Variants in ADGRG6 observed in about 807,000 individuals in gnomAD.
The protein encoded by ADGRG6 is adhesion G protein-coupled receptor G6, also known as G-protein coupled receptor 126.
In ADGRG6, 84 loss-of-function variants were observed where a neutral mutation model predicts 142.4. The ratio of observed to expected loss-of-function variants is 0.59; its 90% CI spans 0.49 to 0.71. The LOEUF (loss-of-function observed/expected upper bound fraction) is 0.71. Ranked by LOEUF, ADGRG6 falls within the 30% of genes least tolerant of loss-of-function variation. ADGRG6 has a pLI of 0.00. For synonymous variants in ADGRG6, 521 were observed against 520.5 expected, an observed-to-expected ratio of 1.00 and a Z score of -0.01; for missense variants, 1,367 against 1,466.6, an observed-to-expected ratio of 0.93 and a Z score of 1.11.
At chr6:142,303,795 AAT>A (rs1212710139) in intron 1 of ADGRG6, among the ~76,000 whole-genome samples, 2 of 152,202 alleles carry the variant, frequency 1.3e-5, no homozygotes, top group Non-Finnish European at 2.9e-5. Context: ...TGAAAGTATA[AAT>A]ACCTGTTTTT....
intron 1 of ADGRG6, among the ~76,000 whole-genome samples, chr6:142,303,461 A>G (rs1049134184): frequency 2.0e-5 from 3 of 152,238 alleles, no homozygotes; most frequent in African/African-American, 4.8e-5. Context: ...TGTTCCAGGT[A>G]CTGTGAGATG....
chr6:142,317,964 T>C (rs1223545578), intron 2 of ADGRG6, among the ~76,000 whole-genome samples: 4 of 67,406 alleles, frequency 5.9e-5, no homozygotes, highest in Non-Finnish European at 1.0e-4. Context: ...TATATATTTA[T>C]ATATTATATA....
At chr6:142,357,020 T>G (rs1780478766) in intron 2 of ADGRG6, among the ~76,000 whole-genome samples, 2 of 152,324 alleles carry the variant, frequency 1.3e-5, no homozygotes, top group Non-Finnish European at 2.9e-5. Context: ...AAAGAAAAGA[T>G]CTTGTGTAAG....
intron 2 of ADGRG6, among the ~76,000 whole-genome samples, chr6:142,327,594 C>T (rs916676108): frequency 2.0e-5 from 3 of 152,074 alleles, no homozygotes; most frequent in Non-Finnish European, 4.4e-5. Flanking sequence ...TGGCTTCTTA[C>T]CTGTCATCAT....
At chr6:142,342,353 GTGA>G (rs1779697427) in intron 2 of ADGRG6, among the ~76,000 whole-genome samples, 1 of 152,076 alleles carries the variant, frequency 6.6e-6, no homozygotes, top group Non-Finnish European at 1.5e-5. Flanking sequence ...CTGTGCTGCA[GTGA>G]TGATGATTAT....
chr6:142,314,876 C>T (rs1777952768), intron 2 of ADGRG6, among the ~76,000 whole-genome samples: 1 of 151,910 alleles, frequency 6.6e-6, no homozygotes, highest in East Asian at 1.9e-4. Flanking sequence ...TTCAAATTCC[C>T]CTATCACTAG....
At chr6:142,370,917 T>TGTGTGA in intron 4 of ADGRG6, 124 bp downstream of exon 4, 1 of 931,096 alleles carries the variant, frequency 1.1e-6, no homozygotes. Context: ...TATAGACATA[T>TGTGTGA]ATATATATGT....
At chr6:142,418,679 A>G (rs1048079346) in intron 21 of ADGRG6, among the ~76,000 whole-genome samples, 2 of 152,196 alleles carry the variant, frequency 1.3e-5, no homozygotes, top group African/African-American at 4.8e-5. Context: ...AATTTACTGT[A>G]TGCCAGAATC....
At chr6:142,384,802 A>G (rs911386513) in intron 6 of ADGRG6, among the ~76,000 whole-genome samples, 3 of 152,138 alleles carry the variant, frequency 2.0e-5, no homozygotes, top group African/African-American at 7.2e-5. Flanking sequence ...GGTTACATCA[A>G]TTTCCTCTGT....
chr6:142,412,036 C>T (rs969526072), intron 18 of ADGRG6, among the ~76,000 whole-genome samples: 1 of 152,052 alleles, frequency 6.6e-6, no homozygotes, highest in Non-Finnish European at 1.5e-5. Flanking sequence ...CTTCCATGCC[C>T]CTGTTTTATC....
intron 10 of ADGRG6, among the ~76,000 whole-genome samples, chr6:142,399,053 T>G (rs1232427644): frequency 6.6e-6 from 1 of 152,172 alleles, no homozygotes; most frequent in African/African-American, 2.4e-5. Flanking sequence ...TTCACAAATA[T>G]GGATAACAAA....
At chr6:142,385,510 G>A (rs1781978180) in intron 6 of ADGRG6, among the ~76,000 whole-genome samples, 1 of 151,828 alleles carries the variant, frequency 6.6e-6, no homozygotes, top group Admixed American at 6.6e-5. Context: ...TTCCTAAATT[G>A]ACTCACTTTT....
intron 2 of ADGRG6, among the ~76,000 whole-genome samples, chr6:142,346,092 A>C (rs1779886210): frequency 6.6e-6 from 1 of 152,100 alleles, no homozygotes; most frequent in African/African-American, 2.4e-5. Flanking sequence ...GCCTTTAGGA[A>C]GGCTAATAAA....
rs1776328952 is a variant in ADGRG6 at position 142,415,892 on chromosome 6, C to G, written c.2766C>G (p.Thr922=). The part of the protein sequence containing the change: ...NLLFLLDGWI[T]SFNVDGLCIA... ...TCTTCCTCCTAGATGGCTGGATCAC[C>G]TCCTTCAATGTGGATGGACTTTGCA... Residue 922 remains threonine, a synonymous_variant, in exon 20 of 25, where the codon ACC becomes ACG. Transcript: ENST00000367609. The G allele has an allele frequency of 2.5e-6, 4 of 1,613,408 alleles. No homozygotes were observed. Among genetic ancestry groups the G allele is most frequent in the Non-Finnish European group, 2.5e-6 (3 of 1,179,464 alleles).
At chr6:142,438,422 G>A in intron 24 of ADGRG6, 58 bp downstream of exon 24, 2 of 1,204,808 alleles carry the variant, frequency 1.7e-6, no homozygotes, top group Non-Finnish European at 2.3e-6. Context: ...GCAAAAATTG[G>A]CATATCATGA....
chr6:142,378,905 T>C (rs1175065130), intron 4 of ADGRG6, among the ~76,000 whole-genome samples: 1 of 152,214 alleles, frequency 6.6e-6, no homozygotes, highest in Non-Finnish European at 1.5e-5. Flanking sequence ...AAAAGCTGTT[T>C]TTACCTTTTT....
intron 15 of ADGRG6, among the ~76,000 whole-genome samples, chr6:142,406,889 C>G (rs1401059304): frequency 6.6e-6 from 1 of 151,904 alleles, no homozygotes; most frequent in Non-Finnish European, 1.5e-5. Context: ...ATGTAGGTGC[C>G]ACAAAATGTG....
intron 13 of ADGRG6, 144 bp downstream of exon 13, chr6:142,402,974 G>T (rs1775608061): frequency 2.2e-6 from 1 of 452,842 alleles, no homozygotes; most frequent in Non-Finnish European, 3.8e-6. Context: ...GTGAAGCAAG[G>T]TCATTCACAA....
At chr6:142,375,205 C>T (rs1781446704) in intron 4 of ADGRG6, among the ~76,000 whole-genome samples, 1 of 152,134 alleles carries the variant, frequency 6.6e-6, no homozygotes, top group African/African-American at 2.4e-5. Flanking sequence ...ACTCCTTTCC[C>T]AAGCCTTAAG....
Sources: gnomAD v4.1 joint callset for allele counts (sites outside exome capture counted in the v4.1 genomes callset) on GRCh38, gnomAD v4.1.1 for gene constraint, MANE v1.5 for transcripts, NCBI Gene and HGNC (gene_info 2026-07-23, HGNC 2026-07-21) for gene names.